Variants in POLR2F observed in about 807,000 individuals in gnomAD.
The protein encoded by POLR2F is DNA-directed RNA polymerases I, II, and III subunit RPABC2.
A neutral mutation model predicts 22.7 loss-of-function variants in POLR2F; 12 were observed. The ratio of observed to expected loss-of-function variants is 0.53; its 90% CI spans 0.34 to 0.86. The LOEUF is 0.86. Ranked by LOEUF, POLR2F falls within the 40% of genes least tolerant of loss-of-function variation. POLR2F has a pLI of 0.02. For missense variants in POLR2F, 126 were observed against 171.5 expected, an observed-to-expected ratio of 0.73 and a Z score of 1.48; for synonymous variants, 57 against 66.0, an observed-to-expected ratio of 0.86 and a Z score of 0.66.
At chr22:37,985,905 G>A (rs1043663908), upstream of POLR2F, among the ~76,000 whole-genome samples, 10 of 151,646 alleles carry the variant, frequency 6.6e-5, no homozygotes, top group African/African-American at 1.7e-4. Context: ...CTGGGGCCTC[G>A]GAGCCCAGTG....
chr22:37,987,770 G>A (rs530559405), intron 1 of POLR2F: 95 of 195,198 alleles, frequency 4.9e-4, no homozygotes, highest in Non-Finnish European at 9.2e-4. Flanking sequence ...GTGTGGATGC[G>A]ACCTGGGGGG....
chr22:38,026,434 A>G (rs1050477466), exon 3 of POLR2F: 5 of 432,208 alleles, frequency 1.2e-5, no homozygotes, highest in African/African-American at 1.0e-4. Flanking sequence ...TTCCCCCTCT[A>G]TAACACCAGG....
intron 1 of POLR2F, among the ~76,000 whole-genome samples, chr22:37,995,858 G>A (rs1370679218): frequency 1.3e-5 from 2 of 151,930 alleles, no homozygotes; most frequent in African/African-American, 2.4e-5. Flanking sequence ...AAATCAGCTG[G>A]GTGTGGTGGT....
rs889187814 is a variant in POLR2F at position 38,020,467 on chromosome 22, C to T, written c.121-5402C>T. 1.9e-4 allele frequency among the ~76,000 whole-genome samples: 27 copies of T among 144,254 alleles called. 1 individual carries two copies. Among genetic ancestry groups the T allele is most frequent in the South Asian group, 2.2e-4 (1 of 4,594 alleles). 94.6% of individuals were successfully genotyped at this position (144,254 alleles called of 152,430 possible). Reference sequence around the variant, plus strand: ...TTTTTTTTTGTATTTTTAGTAGGGACGGCGTTTCACCACATTGGCCAGGCT... The same window carrying T: ...TTTTTTTTTGTATTTTTAGTAGGGATGGCGTTTCACCACATTGGCCAGGCT... On this transcript the variant is annotated intron_variant, in intron 1 of 2. Coordinates refer to the POLR2F transcript ENST00000333418.
upstream of POLR2F, among the ~76,000 whole-genome samples, chr22:37,985,477 TTC>T (rs1027429549): frequency 5.6e-4 from 85 of 152,238 alleles, no homozygotes; most frequent in African/African-American, 1.9e-3. Flanking sequence ...TGACACCTTT[TTC>T]TCTCTCTTTC....
At chr22:37,994,022 G>A (rs1299426154) in intron 1 of POLR2F, among the ~76,000 whole-genome samples, 2 of 152,144 alleles carry the variant, frequency 1.3e-5, no homozygotes, top group African/African-American at 4.8e-5. Context: ...GCTCAGCCTA[G>A]CACCTTTGAC....
intron 3 of POLR2F, among the ~76,000 whole-genome samples, chr22:37,960,350 C>T (rs1000277272): frequency 4.6e-5 from 7 of 151,718 alleles, no homozygotes; most frequent in African/African-American, 1.2e-4. Context: ...CAGCCTCCCG[C>T]GTAGCTGGGA....
downstream of POLR2F, among the ~76,000 whole-genome samples, chr22:37,971,938 T>A (rs1213521510): frequency 1.3e-5 from 2 of 151,788 alleles, no homozygotes; most frequent in African/African-American, 4.8e-5. Flanking sequence ...GAAGTTCCCA[T>A]CTGAGGCTTC....
At chr22:37,974,179 G>T (rs766963456), downstream of POLR2F, 2 of 1,605,354 alleles carry the variant, frequency 1.2e-6, no homozygotes, top group Non-Finnish European at 8.5e-7. The surrounding 1 kb of genome is among the most constrained non-coding windows in gnomAD (Gnocchi z 5.4). Context: ...TTGGAGGGGT[G>T]GGTGGGCCAT....
At chr22:38,018,358 G>A (rs2084932055) in intron 1 of POLR2F, among the ~76,000 whole-genome samples, 1 of 152,206 alleles carries the variant, frequency 6.6e-6, no homozygotes, top group Non-Finnish European at 1.5e-5. Context: ...TAGGATAATG[G>A]TTCACTCTGG....
At chr22:37,973,326 C>T (rs1280472588), downstream of POLR2F, 12 of 585,574 alleles carry the variant, frequency 2.0e-5, no homozygotes, top group Non-Finnish European at 3.3e-5. Flanking sequence ...CTGGATGGGG[C>T]GGGTGGGTCA....
At chr22:37,972,100 G>C (rs1286166248), downstream of POLR2F, 14 of 322,744 alleles carry the variant, frequency 4.3e-5, no homozygotes, top group Non-Finnish European at 7.1e-5. Flanking sequence ...GGGGGAGAGA[G>C]AGAGAGAAAG....
chr22:37,969,495 C>T (rs1386852308), downstream of POLR2F, among the ~76,000 whole-genome samples: 5 of 152,208 alleles, frequency 3.3e-5, no homozygotes, highest in Admixed American at 2.6e-4. Context: ...TCCCCTCCTT[C>T]CACATCCTCA....
At position 37,967,802 on chromosome 22, in the gene POLR2F, C is replaced by A. The variant is rs1026930734; in HGVS notation, c.*87C>A. The A allele has an allele frequency of 4.9e-5, 74 of 1,508,198 alleles. No homozygotes were observed. The highest frequency in any genetic ancestry group is 2.5e-4 in the Admixed American group (11 of 44,074). The allele number at this position is 1,508,198 out of a possible 1,614,324, so 93.4% of individuals were successfully genotyped here. On this transcript the variant is annotated 3_prime_UTR_variant, in exon 5 of 5. Coordinates refer to ENST00000442738, the MANE Select transcript of POLR2F (RefSeq NM_021974.5). The stretch of plus-strand genomic sequence containing the variant: ...AATAATAAAATATTCAACTTTCCAA[C>A]CCCCTTCCCCTCTGCTTATCTGCAA...
At chr22:37,999,732 A>G (rs1379387302) in intron 1 of POLR2F, among the ~76,000 whole-genome samples, 4 of 152,116 alleles carry the variant, frequency 2.6e-5, no homozygotes, top group African/African-American at 9.7e-5. Context: ...ACCTGGGCAG[A>G]GCTCCTTTGT....
intron 1 of POLR2F, among the ~76,000 whole-genome samples, chr22:38,021,017 C>T (rs1312362796): frequency 2.0e-5 from 3 of 152,200 alleles, no homozygotes; most frequent in Non-Finnish European, 4.4e-5. Flanking sequence ...CTCATGGCCA[C>T]TGGCTGGGCC....
intron 1 of POLR2F, among the ~76,000 whole-genome samples, chr22:37,995,836 T>TAA (rs66823363): frequency 2.8e-3 from 393 of 142,642 alleles, no homozygotes; most frequent in African/African-American, 9.7e-3. Context: ...TACTAAAAAT[T>TAA]AAAAAAAAAA....
downstream of POLR2F, among the ~76,000 whole-genome samples, chr22:38,030,728 C>T (rs1410943589): frequency 6.6e-6 from 1 of 152,132 alleles, no homozygotes; most frequent in Non-Finnish European, 1.5e-5. Context: ...TCTGGGATGA[C>T]TTGCTTTGCA....
At chr22:38,038,250 G>A (rs931852967) in intron 5 of POLR2F, among the ~76,000 whole-genome samples, 1 of 152,214 alleles carries the variant, frequency 6.6e-6, no homozygotes, top group Non-Finnish European at 1.5e-5. Flanking sequence ...AGCCCTGGTG[G>A]CCCTGGAACC....
Sources: gnomAD v4.1 joint callset for allele counts (sites outside exome capture counted in the v4.1 genomes callset) on GRCh38, gnomAD v4.1.1 for gene constraint, Gnocchi (gnomAD v3.1) non-coding constraint, MANE v1.5 for transcripts, NCBI Gene and HGNC (gene_info 2026-07-23, HGNC 2026-07-21) for gene names.